Variants in UNC5D observed in about 807,000 individuals in gnomAD.
The protein encoded by UNC5D is unc-5 netrin receptor D.
A neutral mutation model predicts 105.4 loss-of-function variants in UNC5D; 39 were observed. The observed-to-expected ratio is 0.37, with a 90% CI of 0.29 to 0.48. The LOEUF (loss-of-function observed/expected upper bound fraction) is 0.48. Among genes scored for constraint, UNC5D ranks in the 20% least tolerant of loss-of-function variants. The pLI, the probability that UNC5D is intolerant of heterozygous loss-of-function variation, is 0.98. For missense variants in UNC5D, 991 were observed against 1,202.4 expected (o/e 0.82, Z 2.60); for synonymous variants, 452 against 450.4 (o/e 1.00, Z -0.04).
chr8:35,358,476 A>T (rs1000472627), intron 1 of UNC5D, among the ~76,000 whole-genome samples: 5 of 152,108 alleles, frequency 3.3e-5, no homozygotes, highest in African/African-American at 1.2e-4. Context: ...ATACATACTG[A>T]GGCCTGTTTA....
Position 35,568,201 on chromosome 8 carries a change from G to A in UNC5D, c.426G>A (p.Leu142=). Residue 142 remains leucine (L), a synonymous_variant, in exon 3 of 17, where the codon CTG becomes CTA. Transcript: ENST00000404895. ...YWCQCVAWSH[L]GTSKSRKASV... ...GCCAGTGTGTGGCGTGGAGCCACCT[G>A]GGTACCTCCAAGAGCAGGAAGGCCT... 2 of 1,614,158 alleles carry A rather than the reference G, an allele frequency of 1.2e-6. No homozygotes were observed. The highest frequency in any genetic ancestry group is 1.7e-6 in the Non-Finnish European group (2 of 1,180,030).
chr8:35,722,564 A>C (rs1217500999), intron 9 of UNC5D, among the ~76,000 whole-genome samples, 169 bp downstream of exon 9: 1 of 152,234 alleles, frequency 6.6e-6, no homozygotes, highest in African/African-American at 2.4e-5. Context: ...TGGTCTGCTT[A>C]GGTCCTTGTC....
intron 1 of UNC5D, among the ~76,000 whole-genome samples, chr8:35,537,581 T>G (rs568798088): frequency 6.6e-6 from 1 of 152,212 alleles, no homozygotes; most frequent in South Asian, 2.1e-4. Flanking sequence ...CTAAGGAGGC[T>G]GGGATAGGAG....
rs913732768 is a variant in UNC5D, at chr8:35,481,369, A to C, written c.104-67923A>C. Among the ~76,000 whole-genome samples the C allele has an allele frequency of 3.3e-5, 5 of 152,206 alleles. No homozygotes were observed. The South Asian group carries it at 1.0e-3, about 32-fold the overall frequency. ...AGCCATGATCATGCCACTGCACTCC[A>C]GCCTGGTGGCGGAGTAAGATCCTGT... On this transcript the variant is annotated intron_variant, in intron 1 of 16. Transcript: ENST00000404895.
chr8:35,253,896 A>G (rs1803892630), intron 1 of UNC5D, among the ~76,000 whole-genome samples: 1 of 152,156 alleles, frequency 6.6e-6, no homozygotes, highest in Non-Finnish European at 1.5e-5. Flanking sequence ...TGAAGGTTGC[A>G]CATATACATG....
intron 1 of UNC5D, among the ~76,000 whole-genome samples, chr8:35,244,063 A>G (rs971725883): frequency 6.6e-6 from 1 of 152,194 alleles, no homozygotes; most frequent in African/African-American, 2.4e-5. Flanking sequence ...ATGTGGTCCT[A>G]TTATGCGTGG....
At chr8:35,361,898 A>G (rs1801873690) in intron 1 of UNC5D, among the ~76,000 whole-genome samples, 1 of 152,194 alleles carries the variant, frequency 6.6e-6, no homozygotes, top group East Asian at 1.9e-4. Flanking sequence ...GCTATATTGC[A>G]TTTTATTCAA....
chr8:35,646,985 A>G (rs956255596), intron 4 of UNC5D, among the ~76,000 whole-genome samples: 3 of 152,150 alleles, frequency 2.0e-5, no homozygotes, highest in African/African-American at 7.2e-5. Context: ...TTGTTAACCA[A>G]TAATTGTATT....
chr8:35,661,372 T>C (rs1824093638), intron 4 of UNC5D, among the ~76,000 whole-genome samples: 1 of 152,174 alleles, frequency 6.6e-6, no homozygotes, highest in Admixed American at 6.6e-5. Context: ...GGCAGGTTGG[T>C]TCTAACGTCC....
chr8:35,235,652 AG>A lies in UNC5D; in HGVS notation c.-131del. ...TCGGAGCTCCCTGCCCCGCTGCTTT[AG>A]GAAGCGATCGTGGAGCAGAGTCACT... is the stretch of plus-strand genomic sequence containing the variant. On this transcript the variant is annotated 5_prime_UTR_variant, in exon 1 of 17. Coordinates refer to ENST00000404895, the MANE Select transcript of UNC5D (RefSeq NM_080872.4). 3.0e-6 allele frequency: 2 copies of A among 657,700 alleles called. No homozygotes were observed. The highest frequency in any genetic ancestry group is 1.6e-4 in the South Asian group (2 of 12,410). 40.7% of individuals were successfully genotyped at this position (657,700 alleles called of 1,614,324 possible).
In UNC5D at chr8:35,594,598, C is replaced by T. The variant is rs142705585; in HGVS notation, c.467-956C>T. Among the ~76,000 whole-genome samples the T allele has an allele frequency of 3.2e-3, 485 of 152,220 alleles. 3 individuals are homozygous for T. Among genetic ancestry groups the T allele is most frequent in the African/African-American group, 0.011 (437 of 41,544 alleles). On this transcript the variant is annotated intron_variant, in intron 3 of 16. Transcript: ENST00000404895. ...TTCAAGTGGCAGCAAGAATTACCCT[C>T]GTTCTGCAAGATTATCAAAGAGTTG...
chr8:35,605,015 T>C (rs1200303892), intron 4 of UNC5D, among the ~76,000 whole-genome samples: 1 of 152,210 alleles, frequency 6.6e-6, no homozygotes, highest in Non-Finnish European at 1.5e-5. Context: ...CAGAGTAGTT[T>C]GATCTTCTGA....
intron 3 of UNC5D, among the ~76,000 whole-genome samples, chr8:35,589,008 A>C (rs1466420028): frequency 2.6e-5 from 4 of 151,624 alleles, no homozygotes. Flanking sequence ...GGGCCATTGC[A>C]CTCCAGCCTG....
At chr8:35,777,510 C>A (rs1156357023) in intron 16 of UNC5D, among the ~76,000 whole-genome samples, 1 of 152,148 alleles carries the variant, frequency 6.6e-6, no homozygotes, top group Non-Finnish European at 1.5e-5. Flanking sequence ...GCTTTACTCT[C>A]AAAAAATAGT....
chr8:35,676,783 A>G (rs1825255536), intron 4 of UNC5D, among the ~76,000 whole-genome samples: 1 of 152,178 alleles, frequency 6.6e-6, no homozygotes, highest in African/African-American at 2.4e-5. Flanking sequence ...GTGAAAGGAA[A>G]TTAAATCCAG....
chr8:35,381,878 G>T (rs1206827512), intron 1 of UNC5D, among the ~76,000 whole-genome samples: 1 of 152,136 alleles, frequency 6.6e-6, no homozygotes, highest in Non-Finnish European at 1.5e-5. Flanking sequence ...TCTTGTCACA[G>T]ATTTCTGTTG....
intron 1 of UNC5D, among the ~76,000 whole-genome samples, chr8:35,465,773 G>A (rs1809260726): frequency 6.6e-6 from 1 of 152,118 alleles, no homozygotes; most frequent in African/African-American, 2.4e-5. Context: ...AGAGGATCTG[G>A]ATTTCTCAGG....
intron 11 of UNC5D, among the ~76,000 whole-genome samples, chr8:35,734,669 C>T (rs777463896): frequency 1.3e-5 from 2 of 152,162 alleles, no homozygotes; most frequent in Non-Finnish European, 2.9e-5. Context: ...CTCGGCATCC[C>T]CAAGTGCTGG....
At chr8:35,390,912 T>C (rs890066296) in intron 1 of UNC5D, among the ~76,000 whole-genome samples, 1 of 152,220 alleles carries the variant, frequency 6.6e-6, no homozygotes, top group African/African-American at 2.4e-5. Flanking sequence ...AAAATCTAAA[T>C]TCCACATGCA....
Sources: allele counts gnomAD v4.1 joint callset (sites outside exome capture counted in the v4.1 genomes callset), GRCh38; gene constraint gnomAD v4.1.1; transcripts MANE v1.5; gene names NCBI Gene and HGNC (gene_info 2026-07-23, HGNC 2026-07-21).